Variants in CCDC171 observed in about 807,000 individuals in gnomAD.
CCDC171 encodes coiled-coil domain containing 171.
Under a neutral mutation model 168.2 loss-of-function variants are expected in CCDC171, and 177 were observed. That is an observed-to-expected ratio of 1.05 (90% confidence interval 0.93 to 1.19). The LOEUF is 1.19. Among genes scored for constraint, CCDC171 ranks in the 50% most tolerant of loss-of-function variants. CCDC171 has a pLI of 0.00. For missense variants in CCDC171, 1,991 were observed against 1,539.0 expected, an observed-to-expected ratio of 1.29 and a Z score of -4.91; for synonymous variants, 687 against 540.8, an observed-to-expected ratio of 1.27 and a Z score of -3.75.
At chr9:16,104,334 C>A in the CCDC171 span, among the ~76,000 whole-genome samples, 2,057 of 151,876 alleles carry the variant, frequency 0.014, 56 homozygotes, top group African/African-American at 0.047. Flanking sequence ...TCTCTTAGGT[C>A]TCCAAAGCTC....
intron 19 of CCDC171, among the ~76,000 whole-genome samples, chr9:15,778,239 G>A (rs1236851415): frequency 6.8e-6 from 1 of 148,144 alleles, no homozygotes. Flanking sequence ...GGAGCTTGCA[G>A]TGAGCCGAGA....
chr9:15,570,906 T>C (rs1411698356), intron 2 of CCDC171, among the ~76,000 whole-genome samples: 1 of 152,194 alleles, frequency 6.6e-6, no homozygotes, highest in African/African-American at 2.4e-5. Context: ...AAACCCCTAG[T>C]GTTTTTCTGC....
chr9:15,824,060 G>A lies in CCDC171; in HGVS notation c.3268-22642G>A, dbSNP rs1228604713. ...TTCTGAATTAATCAGGCTACACAGT[G>A]GAGAAAATTTTTTTCCAAGCTTTAC... On this transcript the variant is annotated intron_variant, in intron 21 of 25. Transcript: ENST00000380701. 4.6e-5 allele frequency among the ~76,000 whole-genome samples: 7 copies of A among 151,942 alleles called. No individual in the cohort carries two copies. In the East Asian group the frequency reaches 1.4e-3, roughly 29 times the overall value.
At chr9:15,882,098 G>A (rs141440161) in intron 24 of CCDC171, among the ~76,000 whole-genome samples, 67 of 152,162 alleles carry the variant, frequency 4.4e-4, no homozygotes, top group African/African-American at 1.5e-3. Flanking sequence ...ATTTTTACTG[G>A]CATCCATTAT....
At chr9:15,712,866 C>G (rs534529637) in intron 11 of CCDC171, among the ~76,000 whole-genome samples, 1 of 152,156 alleles carries the variant, frequency 6.6e-6, no homozygotes, top group African/African-American at 2.4e-5. Context: ...GCTGCTATGA[C>G]TCTTTTGTTC....
At position 15,688,492 on chromosome 9, in the gene CCDC171, C is replaced by T. The variant is rs567116387; in HGVS notation, c.1216-6743C>T. Among the ~76,000 whole-genome samples, 37 of 152,164 alleles carry T rather than the reference C, an allele frequency of 2.4e-4. No homozygotes were observed. In the Middle Eastern group the frequency reaches 0.014, roughly 56 times the overall value. On this transcript the variant is annotated intron_variant, in intron 10 of 25. Transcript: ENST00000380701. ...TCAAAACTATACTAGCAAGCTGAATCCAGCAAGATATAAAAAAGATATTAC... is the reference window on the plus strand; with the variant it reads ...TCAAAACTATACTAGCAAGCTGAATTCAGCAAGATATAAAAAAGATATTAC...
chr9:15,900,657 G>T (rs575458743), intron 24 of CCDC171, among the ~76,000 whole-genome samples: 1 of 152,178 alleles, frequency 6.6e-6, no homozygotes, highest in Non-Finnish European at 1.5e-5. Context: ...CTAGAGTGAG[G>T]TGCTGCTTTT....
Position 15,585,805 on chromosome 9 carries a change from C to T in CCDC171, c.353-5561C>T, listed in dbSNP as rs1023171033. 7.9e-5 allele frequency among the ~76,000 whole-genome samples: 12 copies of T among 151,966 alleles called. No individual in the cohort carries two copies. In the South Asian group the frequency reaches 2.5e-3, roughly 32 times the overall value. On this transcript the variant is annotated intron_variant, in intron 4 of 25. Transcript: ENST00000380701. The stretch of plus-strand genomic sequence containing the variant: ...CCATCCTGACCAACATAGTGAAACC[C>T]CATCTCTACTAAAAACAAAAACTAG...
intron 1 of CCDC171, among the ~76,000 whole-genome samples, chr9:16,048,113 G>A (rs1833689397): frequency 6.6e-6 from 1 of 152,230 alleles, no homozygotes; most frequent in African/African-American, 2.4e-5. Context: ...CAAGTGACTT[G>A]TCAAGTTTTG....
intron 18 of CCDC171, among the ~76,000 whole-genome samples, chr9:15,768,805 T>G (rs755763239): frequency 2.6e-5 from 4 of 152,236 alleles, no homozygotes; most frequent in Admixed American, 6.5e-5. Flanking sequence ...TTCATGGGGT[T>G]ATAATGATGG....
chr9:16,015,657 C>T (rs1832993283), intron 3 of CCDC171, among the ~76,000 whole-genome samples: 2 of 152,092 alleles, frequency 1.3e-5, no homozygotes, highest in African/African-American at 4.8e-5. Context: ...ACCATTTTAA[C>T]CATTTTAAGT....
chr9:16,100,875 T>C, the CCDC171 span, among the ~76,000 whole-genome samples: 2 of 152,068 alleles, frequency 1.3e-5, no homozygotes, highest in Non-Finnish European at 2.9e-5. Flanking sequence ...GGTTTCTTGC[T>C]CCCCCTTCAC....
intron 21 of CCDC171, among the ~76,000 whole-genome samples, chr9:15,819,540 C>T (rs2059686668): frequency 8.6e-6 from 1 of 116,122 alleles, no homozygotes; most frequent in Non-Finnish European, 1.9e-5. Flanking sequence ...GGTTGCCATC[C>T]TAATCTCGGA....
rs147227580 is a variant in CCDC171 at position 15,996,738 on chromosome 9, T to G, written n.369-23851T>G. 5.1e-4 allele frequency among the ~76,000 whole-genome samples: 78 copies of G among 152,280 alleles called. 2 individuals carry two copies. In the East Asian group the frequency reaches 0.013, roughly 26 times the overall value. On this transcript the variant is annotated intron_variant and non_coding_transcript_variant, in intron 3 of 9. Coordinates refer to the CCDC171 transcript ENST00000486641. Reference sequence around the variant, plus strand: ...AAGTATTATTATTAGCTCTGAGAATTAGTACTGAAGTATAAAAGGATAATT... The same window carrying G: ...AAGTATTATTATTAGCTCTGAGAATGAGTACTGAAGTATAAAAGGATAATT...
chr9:16,030,758 C>T (rs561060225), intron 6 of CCDC171, among the ~76,000 whole-genome samples: 6 of 152,246 alleles, frequency 3.9e-5, no homozygotes, highest in South Asian at 2.1e-4. Context: ...TTTGTGGTGG[C>T]GGCTCACCAC....
chr9:15,723,504 GCATTTAAC>G (rs1289141921), intron 12 of CCDC171, among the ~76,000 whole-genome samples, 169 bp from the exon 13 acceptor site: 1 of 152,074 alleles, frequency 6.6e-6, no homozygotes, highest in Non-Finnish European at 1.5e-5. Flanking sequence ...AAGCTATATA[GCATTTAAC>G]CAAAAGAAAT....
intron 16 of CCDC171, among the ~76,000 whole-genome samples, chr9:15,743,065 C>A (rs1432955305): frequency 6.6e-6 from 1 of 151,412 alleles, no homozygotes; most frequent in Non-Finnish European, 1.5e-5. Flanking sequence ...AGGTGTGAGC[C>A]CTTATGCCTG....
intron 19 of CCDC171, among the ~76,000 whole-genome samples, chr9:15,778,277 G>A (rs1464891563): frequency 2.3e-4 from 29 of 123,996 alleles, no homozygotes; most frequent in African/African-American, 8.1e-4. Flanking sequence ...GCAGTCTGCC[G>A]CAGTCTGGCC....
At chr9:15,594,397 T>G (rs2042195593) in intron 6 of CCDC171, among the ~76,000 whole-genome samples, 1 of 152,166 alleles carries the variant, frequency 6.6e-6, no homozygotes, top group African/African-American at 2.4e-5. Context: ...TTATGTGATT[T>G]TTAAGAAGGA....
Sources: allele counts gnomAD v4.1 joint callset (sites outside exome capture counted in the v4.1 genomes callset), GRCh38; gene constraint gnomAD v4.1.1; transcripts MANE v1.5; gene names NCBI Gene and HGNC (gene_info 2026-07-23, HGNC 2026-07-21).